BRF1: variants seen among roughly 807,000 people sequenced by gnomAD.
BRF1 encodes transcription factor IIIB 90 kDa subunit.
BRF1 carries 59 observed loss-of-function variants against 81.7 expected under a neutral mutation model. The ratio of observed to expected loss-of-function variants is 0.72; its 90% CI spans 0.59 to 0.90. The LOEUF (loss-of-function observed/expected upper bound fraction) is 0.90. BRF1 is among the 40% of genes least tolerant of loss of function. BRF1 has a pLI of 0.00. For synonymous variants in BRF1, 491 were observed against 395.6 expected, an observed-to-expected ratio of 1.24 and a Z score of -2.86; for missense variants, 1,050 against 936.3, an observed-to-expected ratio of 1.12 and a Z score of -1.58.
At position 105,289,728 on chromosome 14, in the gene BRF1, C is replaced by T. The variant is rs1369395127; in HGVS notation, c.185-3352G>A. On this transcript the variant is annotated intron_variant, in intron 1 of 17. Transcript: ENST00000547530. Reference sequence around the variant, plus strand: ...TCGGCTCACTGCAACCTCCGCCTCCCGGATTCAAGCAATTCTCCTGCTTCA... The same window carrying T: ...TCGGCTCACTGCAACCTCCGCCTCCTGGATTCAAGCAATTCTCCTGCTTCA... 8.5e-5 allele frequency among the ~76,000 whole-genome samples: 13 copies of T among 152,280 alleles called. No individual in the cohort carries two copies. In the East Asian group the frequency reaches 9.7e-4, roughly 11 times the overall value.
At chr14:105,222,747 G>A (rs917893318) in intron 10 of BRF1, among the ~76,000 whole-genome samples, 9 of 152,052 alleles carry the variant, frequency 5.9e-5, no homozygotes, top group Non-Finnish European at 1.2e-4. Context: ...TCCTGCCTCA[G>A]CCTCCTGAGT....
At chr14:105,291,082 G>A (rs758148770) in intron 1 of BRF1, among the ~76,000 whole-genome samples, 2 of 152,176 alleles carry the variant, frequency 1.3e-5, no homozygotes, top group African/African-American at 4.8e-5. Flanking sequence ...ATATGTGCTA[G>A]TTCCCGTTAG....
rs751341944 is a variant in BRF1 at position 105,221,926 on chromosome 14, C to G, written c.1049-12G>C. The stretch of plus-strand genomic sequence containing the variant: ...GTCCTCGGTGGAGCCTAGGTGTACA[C>G]AATCCACCTGTTAACCAGGCAGAGG... On this transcript the variant is annotated splice_polypyrimidine_tract_variant and intron_variant, in intron 10 of 17. Transcript: ENST00000547530. The G allele has an allele frequency of 6.4e-7, 1 of 1,560,172 alleles. No individual in the cohort carries two copies.
At chr14:105,262,393 G>C (rs2140351154) in intron 3 of BRF1, among the ~76,000 whole-genome samples, 1 of 152,232 alleles carries the variant, frequency 6.6e-6, no homozygotes, top group Middle Eastern at 3.4e-3. Context: ...GCTGCCCTTT[G>C]TCCAGATACC....
chr14:105,222,088 G>T, intron 10 of BRF1, 174 bp from the exon 11 acceptor site: 2 of 712,654 alleles, frequency 2.8e-6, no homozygotes, highest in South Asian at 4.6e-5. Flanking sequence ...ACTGCACGCG[G>T]AAGTTAGCTC....
At chr14:105,224,293 T>C (rs1452510522) in intron 10 of BRF1, among the ~76,000 whole-genome samples, 2 of 152,136 alleles carry the variant, frequency 1.3e-5, no homozygotes, top group African/African-American at 4.8e-5. Flanking sequence ...TGCTTCAAAC[T>C]ACAGGGTAGA....
rs1889909599 is a variant in BRF1, at chr14:105,210,197, C to T, written c.*354G>A. ...GCCAGCACACTCAGCCCTCCACACA[C>T]TTGGACCAGCAGTGGGGCTGCCCCA... On this transcript the variant is annotated 3_prime_UTR_variant, in exon 18 of 18. Coordinates refer to ENST00000547530, the MANE Select transcript of BRF1 (RefSeq NM_001519.4). The surrounding 1 kb of genome is among the most constrained non-coding windows in gnomAD (Gnocchi z 4.7). 2.9e-6 allele frequency: 1 copy of T among 347,930 alleles called. No individual in the cohort carries two copies. Among genetic ancestry groups the T allele is most frequent in the Non-Finnish European group, 5.4e-6 (1 of 184,140 alleles). The allele number at this position is 347,930 out of a possible 1,614,324, so 21.6% of individuals were successfully genotyped here.
At chr14:105,259,772 T>C (rs2056059739) in intron 3 of BRF1, among the ~76,000 whole-genome samples, 1 of 152,146 alleles carries the variant, frequency 6.6e-6, no homozygotes, top group Non-Finnish European at 1.5e-5. Context: ...GAGCTGGACA[T>C]GGTGGCGTGC....
intron 5 of BRF1, chr14:105,249,044 G>C: frequency 7.8e-7 from 1 of 1,274,772 alleles, no homozygotes; most frequent in Non-Finnish European, 9.8e-7. Context: ...ACCACCAGGA[G>C]AGCCCCGGCT....
chr14:105,312,362 G>A (rs868481611), intron 1 of BRF1, among the ~76,000 whole-genome samples: 1 of 152,210 alleles, frequency 6.6e-6, no homozygotes, highest in African/African-American at 2.4e-5. Context: ...AACCTCCGGG[G>A]ACCCCGGGCA....
At position 105,300,459 on chromosome 14, in the gene BRF1, G is replaced by C; in HGVS notation, c.171C>G (p.Phe57Leu). ...SGGGSSAVGQ[F>L]VSLDGAGKTP... ...CGCGGGACTCACCGTCCAGGGACAC[G>C]AACTGGCCCACGGCCGAGGAGCCGC... The change falls in exon 1 of 18, where the codon TTC (phenylalanine) becomes TTG (leucine). Residue 57 changes from phenylalanine to leucine, a missense_variant. Phe to Leu is a conservative substitution (Grantham distance 22). Around this residue, in one of 2 missense-constraint regions of BRF1, gnomAD observed 1,043 missense variants for 915.4 expected, o/e 1.14. Transcript: ENST00000547530. 6.5e-7 allele frequency: 1 copy of C among 1,530,334 alleles called. No homozygotes were observed. Among genetic ancestry groups the C allele is most frequent in the Middle Eastern group, 2.0e-4 (1 of 4,970 alleles). The allele number at this position is 1,530,334 out of a possible 1,614,324, so 94.8% of individuals were successfully genotyped here. A position where few individuals can be genotyped will look rare whatever the true frequency, so the allele number is the denominator to read the frequency against.
intron 5 of BRF1, chr14:105,250,358 A>G (rs1278091055): frequency 6.2e-7 from 1 of 1,613,524 alleles, no homozygotes; most frequent in Non-Finnish European, 8.5e-7. Context: ...CAGCTCTGGG[A>G]AGGCTGAGTA....
At chr14:105,279,264 T>C (rs2056971586) in intron 2 of BRF1, among the ~76,000 whole-genome samples, 1 of 150,076 alleles carries the variant, frequency 6.7e-6, no homozygotes, top group African/African-American at 2.5e-5. Context: ...ATTAAGAGAG[T>C]GAGACAAGCT....
chr14:105,241,335 C>G lies in BRF1; in HGVS notation c.624G>C (p.Leu208=), dbSNP rs772123455. ...CCCGCTTCATCCTCTGTAGGAGCCT[C>G]AGGGCAGTCATGGACACCTCGTGGT... is the stretch of plus-strand genomic sequence containing the variant. The part of the protein sequence containing the change: ...EKNHEVSMTA[L]RLLQRMKRDW... Residue 208 remains leucine (L), a synonymous_variant, in exon 6 of 18, where the codon CTG becomes CTC. Transcript: ENST00000547530. 5.6e-6 allele frequency: 9 copies of G among 1,612,774 alleles called. No individual in the cohort carries two copies. In the East Asian group the frequency reaches 2.0e-4, roughly 36 times the overall value.
intron 2 of BRF1, among the ~76,000 whole-genome samples, chr14:105,285,398 G>T (rs2057278832): frequency 6.6e-6 from 1 of 152,210 alleles, no homozygotes; most frequent in Non-Finnish European, 1.5e-5. Flanking sequence ...GGCACCAAGA[G>T]GATGCCAACT....
In BRF1 at chr14:105,252,515, G is replaced by C. The variant is rs775546215; in HGVS notation, c.536C>G (p.Pro179Arg). The C allele has an allele frequency of 6.2e-7, 1 of 1,613,698 alleles. No individual in the cohort carries two copies. Among genetic ancestry groups the C allele is most frequent in the Non-Finnish European group, 8.5e-7 (1 of 1,179,938 alleles). ...CTCACCCAGATGCCTACCTATGGCCGGCGCATTGATGCAGAGCTCTCTTGC... is the reference window on the plus strand; with the variant it reads ...CTCACCCAGATGCCTACCTATGGCCCGCGCATTGATGCAGAGCTCTCTTGC... ...LLARELCINA[P>R]AIDPCLYIPR... is the part of the protein sequence containing the mutation. The change falls in exon 5 of 18, where the codon CCG becomes CGG. Residue 179 changes from proline to arginine, a missense_variant. Pro to Arg is a moderately radical substitution (Grantham distance 103). Around this residue, in one of 2 missense-constraint regions of BRF1, gnomAD observed 1,043 missense variants for 915.4 expected, o/e 1.14. Coordinates refer to ENST00000547530, the MANE Select transcript of BRF1 (RefSeq NM_001519.4).
At chr14:105,229,597 C>T (rs982407892) in intron 6 of BRF1, among the ~76,000 whole-genome samples, 2 of 152,226 alleles carry the variant, frequency 1.3e-5, no homozygotes, top group East Asian at 1.9e-4. Context: ...CAGCTGCGAC[C>T]TGGGGGGTCA....
intron 5 of BRF1, chr14:105,247,955 C>G (rs1052860365): frequency 1.5e-5 from 15 of 985,486 alleles, no homozygotes; most frequent in Non-Finnish European, 1.8e-5. Context: ...CGACTGCGAT[C>G]CACAGGCAGA....
At chr14:105,215,513 A>G (rs1387572195) in intron 15 of BRF1, among the ~76,000 whole-genome samples, 3 of 152,096 alleles carry the variant, frequency 2.0e-5, no homozygotes, top group Admixed American at 6.5e-5. Flanking sequence ...GCACACACGT[A>G]CTGTGTGCAT....
Sources: gnomAD v4.1 joint callset for allele counts (sites outside exome capture counted in the v4.1 genomes callset) on GRCh38, gnomAD v4.1.1 for gene constraint, gnomAD v4.1.1 regional missense constraint, Gnocchi (gnomAD v3.1) non-coding constraint, MANE v1.5 for transcripts, NCBI Gene and HGNC (gene_info 2026-07-23, HGNC 2026-07-21) for gene names.